Variants in NUP214 observed in about 807,000 individuals in gnomAD.
NUP214 encodes nuclear pore complex protein Nup214.
In NUP214, 79 loss-of-function variants were observed where a neutral mutation model predicts 196.2. The ratio of observed to expected loss-of-function variants is 0.40; its 90% confidence interval spans 0.34 to 0.49. The LOEUF (loss-of-function observed/expected upper bound fraction) is 0.49, where lower values mean the gene tolerates loss of function less well. Ranked by LOEUF, NUP214 falls within the 20% of genes least tolerant of loss-of-function variation. NUP214 has a pLI of 0.58. For missense variants in NUP214, 2,468 were observed against 2,539.0 expected, an observed-to-expected ratio of 0.97 and a Z score of 0.60; for synonymous variants, 1,020 against 990.5, an observed-to-expected ratio of 1.03 and a Z score of -0.56.
chr9:131,137,297 A>G (rs989647099), intron 9 of NUP214, among the ~76,000 whole-genome samples: 4 of 152,224 alleles, frequency 2.6e-5, no homozygotes, highest in African/African-American at 7.2e-5. Context: ...TTTGCTTTCT[A>G]GAGGGGACTG....
chr9:131,215,198 C>CTTTTGTT lies in NUP214; in HGVS notation c.5593-9_5593-3dup. ...TCTCATCCTATCTTGCTTCCTGACC[C>CTTTTGTT]TTTTGTTTTTTAGCAATCATCCTCT... On this transcript the variant is annotated splice_polypyrimidine_tract_variant and intron_variant, in intron 30 of 35. Transcript: ENST00000359428. 2 of 1,509,874 alleles carry CTTTTGTT rather than the reference C, an allele frequency of 1.3e-6. No homozygotes were observed. Among genetic ancestry groups the CTTTTGTT allele is most frequent in the African/African-American group, 2.8e-5 (2 of 70,226 alleles). The allele number at this position is 1,509,874 out of a possible 1,614,324, so 93.5% of individuals were successfully genotyped here.
chr9:131,132,751 G>C, intron 6 of NUP214, 92 bp downstream of exon 6: 2 of 1,083,300 alleles, frequency 1.8e-6, no homozygotes, highest in Non-Finnish European at 2.8e-6. Flanking sequence ...TGCTCAGTGA[G>C]GTATTGGTGT....
intron 18 of NUP214, 39 bp downstream of exon 18, chr9:131,159,525 T>C (rs1161543966): frequency 7.0e-7 from 1 of 1,429,570 alleles, no homozygotes; most frequent in East Asian, 2.3e-5. Flanking sequence ...TTGGAATAGA[T>C]ATTGCTATTG....
intron 28 of NUP214, 149 bp from the exon 29 acceptor site, chr9:131,197,067 C>T (rs1833809026): frequency 1.9e-6 from 2 of 1,059,774 alleles, no homozygotes; most frequent in Admixed American, 2.7e-5. Context: ...ACTCATTCCA[C>T]CTCCTTAGAG....
rs115287482 is a variant in NUP214, at chr9:131,164,590, C to G, written c.2893+446C>G. On this transcript the variant is annotated intron_variant, in intron 21 of 35. Coordinates refer to ENST00000359428, the MANE Select transcript of NUP214 (RefSeq NM_005085.4). Reference sequence around the variant, plus strand: ...AATAGAAAAAAATAAAAGACGAGGTCTCCCCATGTTGCCCAGGCTGTTCTC... The same window carrying G: ...AATAGAAAAAAATAAAAGACGAGGTGTCCCCATGTTGCCCAGGCTGTTCTC... 1,348 of 155,776 alleles carry G rather than the reference C, an allele frequency of 8.7e-3. 20 individuals are homozygous for G. Among genetic ancestry groups the G allele is most frequent in the African/African-American group, 0.031 (1,271 of 41,522 alleles). The allele number at this position is 155,776 out of a possible 1,614,324, so 9.6% of individuals were successfully genotyped here.
chr9:131,197,783 C>T lies in NUP214; in HGVS notation c.4289C>T (p.Thr1430Ile), dbSNP rs746004138. ...GSSGVISFGG[T>I]SLSAGKTSFS... ...TCTGGGGTCATCAGTTTTGGTGGGA[C>T]ATCTCTAAGTGCTGGCAAGACTAGT... Residue 1430 changes from threonine to isoleucine, a missense_variant, in exon 29 of 36, where the codon ACA (threonine) becomes ATA (isoleucine). Thr to Ile is a moderately conservative substitution (Grantham distance 89, BLOSUM62 -1). Transcript: ENST00000359428. 4 of 1,614,056 alleles carry T rather than the reference C, an allele frequency of 2.5e-6. No homozygotes were observed. In the African/African-American group the frequency reaches 4.0e-5, roughly 16 times the overall value.
chr9:131,165,721 G>A (rs1020833349), intron 21 of NUP214, among the ~76,000 whole-genome samples: 5 of 152,212 alleles, frequency 3.3e-5, no homozygotes, highest in Admixed American at 3.3e-4. Flanking sequence ...TGGAAACAGT[G>A]TGTCTGTTAA....
chr9:131,206,701 C>CA (rs1834098585), intron 30 of NUP214, among the ~76,000 whole-genome samples: 1 of 152,124 alleles, frequency 6.6e-6, no homozygotes, highest in South Asian at 2.1e-4. Flanking sequence ...CTGGACCTCC[C>CA]AAAGTGCTGA....
Position 131,130,150 on chromosome 9 carries a change from TG to T in NUP214, c.593-615del, listed in dbSNP as rs1219360699. Among the ~76,000 whole-genome samples, 60 of 112,202 alleles carry T rather than the reference TG, an allele frequency of 5.3e-4. 9 individuals carry two copies. The highest frequency in any genetic ancestry group is 1.1e-3 in the African/African-American group (32 of 29,736). 73.6% of individuals were successfully genotyped at this position (112,202 alleles called of 152,430 possible). On this transcript the variant is annotated intron_variant, in intron 4 of 35. Transcript: ENST00000359428. ...ATTTCTGGTTTTGTTTTTTTTTTTT[TG>T]TTTTTTTTTTGAGACAGAGTCTTGC...
At chr9:131,129,861 C>T (rs776107936) in intron 4 of NUP214, among the ~76,000 whole-genome samples, 8 of 151,998 alleles carry the variant, frequency 5.3e-5, no homozygotes, top group Admixed American at 2.0e-4. Flanking sequence ...TCCTCCACCC[C>T]GCATATGCTA....
rs1407445311 is a variant in NUP214 at position 131,219,079 on chromosome 9, CCAT to C, written c.5750-3696_5750-3694del. On this transcript the variant is annotated intron_variant, in intron 31 of 35. Coordinates refer to ENST00000359428, the MANE Select transcript of NUP214 (RefSeq NM_005085.4). ...CCCTTGGATTTCATCACTACACAAA[CCAT>C]CAAGCAGAAGGAAACCAGCCTTTAT... 2.0e-5 allele frequency among the ~76,000 whole-genome samples: 3 copies of C among 152,184 alleles called. No individual in the cohort carries two copies. In the East Asian group the frequency reaches 5.8e-4, roughly 30 times the overall value.
chr9:131,169,551 A>G (rs1290095268), intron 21 of NUP214, among the ~76,000 whole-genome samples: 1 of 152,260 alleles, frequency 6.6e-6, no homozygotes, highest in East Asian at 1.9e-4. Flanking sequence ...CCCAGTAGCC[A>G]CATTTCAAGT....
chr9:131,212,543 C>T (rs987289372), intron 30 of NUP214, among the ~76,000 whole-genome samples: 1 of 152,010 alleles, frequency 6.6e-6, no homozygotes, highest in African/African-American at 2.4e-5. Context: ...TCAGACTGGC[C>T]GACACTTAGG....
intron 28 of NUP214, among the ~76,000 whole-genome samples, chr9:131,196,028 C>CTCA (rs200985171): frequency 5.8e-5 from 1 of 17,322 alleles, no homozygotes; most frequent in African/African-American, 1.3e-4. Flanking sequence ...CTGTGTGTCC[C>CTCA]CCCCCCCCCC....
intron 31 of NUP214, among the ~76,000 whole-genome samples, chr9:131,222,291 G>A (rs747824099): frequency 6.6e-6 from 1 of 152,222 alleles, no homozygotes; most frequent in Non-Finnish European, 1.5e-5. Flanking sequence ...GGAGGTAAGT[G>A]CTAGAAGCCA....
chr9:131,199,962 G>T (rs964662244), intron 29 of NUP214, among the ~76,000 whole-genome samples: 2 of 152,160 alleles, frequency 1.3e-5, no homozygotes, highest in Non-Finnish European at 2.9e-5. Flanking sequence ...CCTACCCAAT[G>T]CCCTGTGAAG....
In NUP214 at chr9:131,198,063, A is replaced by C; in HGVS notation, c.4569A>C (p.Ser1523=). Residue 1523 remains serine (S), a synonymous_variant, in exon 29 of 36, where the codon TCA becomes TCC. Transcript: ENST00000359428. ...SAASLLEEQQ[S]AQLPQAPPQT... ...CCTCACTTCTAGAGGAGCAACAGTCAGCCCAGCTTCCCCAGGCTCCTCCGC... is the reference window on the plus strand; with the variant it reads ...CCTCACTTCTAGAGGAGCAACAGTCCGCCCAGCTTCCCCAGGCTCCTCCGC... 6.2e-7 allele frequency: 1 copy of C among 1,614,242 alleles called. No homozygotes were observed. The highest frequency in any genetic ancestry group is 1.3e-5 in the African/African-American group (1 of 75,068).
rs142197959 is a variant in NUP214 at position 131,228,219 on chromosome 9, T to C, written c.5962T>C (p.Phe1988Leu). 1 of 1,605,578 alleles carries C rather than the reference T, an allele frequency of 6.2e-7. No homozygotes were observed. Among genetic ancestry groups the C allele is most frequent in the Non-Finnish European group, 8.5e-7 (1 of 1,176,870 alleles). The stretch of plus-strand genomic sequence containing the variant: ...TCCTACTTTTGGGGGATCCCCTGGG[T>C]TTGGAGGGGTGCCAGCATTCGGTTC... ...SPPTFGGSPG[F>L]GGVPAFGSAP... The change falls in exon 33 of 36, where the codon TTT (phenylalanine) becomes CTT (leucine). Residue 1988 changes from phenylalanine (F) to leucine (L), a missense_variant. This residue lies in a region of NUP214 where 262 missense variants were observed against 296.5 expected (regional missense o/e 0.88). Coordinates refer to ENST00000359428, the MANE Select transcript of NUP214 (RefSeq NM_005085.4).
intron 11 of NUP214, 136 bp from the exon 12 acceptor site, chr9:131,144,144 A>T: frequency 1.4e-6 from 1 of 699,622 alleles, no homozygotes; most frequent in Non-Finnish European, 2.5e-6. Context: ...CTGTGTACCC[A>T]TGTGTTCTTT....
Sources: gnomAD v4.1 joint callset for allele counts (sites outside exome capture counted in the v4.1 genomes callset) on GRCh38, gnomAD v4.1.1 for gene constraint, gnomAD v4.1.1 regional missense constraint, MANE v1.5 for transcripts, NCBI Gene and HGNC (gene_info 2026-07-23, HGNC 2026-07-21) for gene names.